TBC1D22A: variants seen among roughly 807,000 people sequenced by gnomAD.
TBC1D22A encodes putative GTPase activator.
TBC1D22A carries 38 observed loss-of-function variants against 60.2 expected under a neutral mutation model. The ratio of observed to expected loss-of-function variants is 0.63; its 90% CI spans 0.49 to 0.83. The LOEUF is 0.83. TBC1D22A is among the 40% of genes least tolerant of loss of function. The probability of loss-of-function intolerance (pLI) is 0.00; values close to 1 mark genes in which losing one functional copy is unlikely to be tolerated. For synonymous variants in TBC1D22A, 302 were observed against 281.7 expected, an observed-to-expected ratio of 1.07 and a Z score of -0.72; for missense variants, 628 against 701.0, an observed-to-expected ratio of 0.90 and a Z score of 1.18.
chr22:47,010,613 G>T (rs2061724138), intron 10 of TBC1D22A, among the ~76,000 whole-genome samples: 1 of 152,142 alleles, frequency 6.6e-6, no homozygotes, highest in South Asian at 2.1e-4. Flanking sequence ...TGTTTATTCT[G>T]TGACCCAGGT....
At chr22:47,154,652 C>A (rs1404503833) in intron 12 of TBC1D22A, among the ~76,000 whole-genome samples, 1 of 152,158 alleles carries the variant, frequency 6.6e-6, no homozygotes, top group East Asian at 1.9e-4. Context: ...CTTTAGCAGG[C>A]AATGTGCCCG....
intron 11 of TBC1D22A, among the ~76,000 whole-genome samples, chr22:47,039,395 C>A (rs976365606): frequency 6.6e-6 from 1 of 152,022 alleles, no homozygotes; most frequent in Admixed American, 6.5e-5. Flanking sequence ...GGAAAGCAAT[C>A]GGGTGATTAC....
At chr22:47,005,820 AC>A (rs559750772) in intron 10 of TBC1D22A, among the ~76,000 whole-genome samples, 13 of 149,216 alleles carry the variant, frequency 8.7e-5, no homozygotes, top group Middle Eastern at 3.6e-3. Context: ...CCATATACAC[AC>A]CCCCCATACA....
At position 47,141,085 on chromosome 22, in the gene TBC1D22A, G is replaced by A. The variant is rs557391005; in HGVS notation, c.1425+29482G>A. On this transcript the variant is annotated intron_variant, in intron 12 of 12. Transcript: ENST00000337137. ...GGGAGGCCTCATAAACATGGAGGAC[G>A]GCGAAGGAGGAGCAAAGTCACATGT... Among the ~76,000 whole-genome samples, 32 of 152,304 alleles carry A rather than the reference G, an allele frequency of 2.1e-4. No individual in the cohort carries two copies. The South Asian group carries it at 5.8e-3, about 28-fold the overall frequency.
intron 11 of TBC1D22A, among the ~76,000 whole-genome samples, chr22:47,046,753 G>A (rs1035565238): frequency 2.0e-5 from 3 of 152,200 alleles, no homozygotes; most frequent in African/African-American, 7.2e-5. Context: ...CTGAAGAGGA[G>A]CCAGAGAGCC....
chr22:47,164,400 G>C (rs375689063), intron 12 of TBC1D22A, among the ~76,000 whole-genome samples: 1 of 152,232 alleles, frequency 6.6e-6, no homozygotes, highest in Non-Finnish European at 1.5e-5. Context: ...ACCTGAGTGT[G>C]AAGGACAGGC....
chr22:46,909,494 G>A (rs561871002), intron 7 of TBC1D22A, among the ~76,000 whole-genome samples: 1 of 152,270 alleles, frequency 6.6e-6, no homozygotes, highest in South Asian at 2.1e-4. Flanking sequence ...TGGCTGCCGC[G>A]GTCCTCTGGA....
In TBC1D22A at chr22:46,905,648, C is replaced by T. The variant is rs139182919; in HGVS notation, c.901-6426C>T. Among the ~76,000 whole-genome samples the T allele has an allele frequency of 1.1e-4, 17 of 152,260 alleles. No individual in the cohort carries two copies. In the East Asian group the frequency reaches 3.3e-3, roughly 29 times the overall value. Reference sequence around the variant, plus strand: ...ACTGAGCTGAGTGGGTCTCTCAAGGCGGACACGCGAGGGCCAGCGGTCCCA... The same window carrying T: ...ACTGAGCTGAGTGGGTCTCTCAAGGTGGACACGCGAGGGCCAGCGGTCCCA... On this transcript the variant is annotated intron_variant, in intron 7 of 12. Transcript: ENST00000337137.
chr22:47,090,721 G>GGT (rs199544914), intron 11 of TBC1D22A, among the ~76,000 whole-genome samples: 7,520 of 143,952 alleles, frequency 0.052, 272 homozygotes, highest in Middle Eastern at 0.16. Context: ...AGTCATCTTT[G>GGT]GGGGAGTGGC....
At chr22:47,030,022 C>T (rs113208107) in intron 10 of TBC1D22A, among the ~76,000 whole-genome samples, 3,613 of 152,310 alleles carry the variant, frequency 0.024, 114 homozygotes, top group African/African-American at 0.073. Context: ...TAGCTGTCAG[C>T]GACATAAACC....
intron 6 of TBC1D22A, among the ~76,000 whole-genome samples, chr22:46,894,036 T>G (rs2068542007): frequency 6.6e-6 from 1 of 152,162 alleles, no homozygotes; most frequent in Non-Finnish European, 1.5e-5. Context: ...TGGGGCGAAA[T>G]GAAATGCAAT....
At chr22:46,828,701 C>T (rs945092465) in intron 4 of TBC1D22A, among the ~76,000 whole-genome samples, 1 of 152,226 alleles carries the variant, frequency 6.6e-6, no homozygotes, top group African/African-American at 2.4e-5. Context: ...GGAGGCCACA[C>T]CTCTCACCAC....
intron 5 of TBC1D22A, among the ~76,000 whole-genome samples, chr22:46,885,619 G>A (rs746265448): frequency 1.9e-4 from 29 of 152,186 alleles, no homozygotes; most frequent in African/African-American, 5.5e-4. Flanking sequence ...GCTCTGAGAC[G>A]GTTATCTGTG....
chr22:47,008,078 T>A (rs193048023), intron 10 of TBC1D22A, among the ~76,000 whole-genome samples: 10 of 152,362 alleles, frequency 6.6e-5, no homozygotes, highest in Admixed American at 6.5e-4. Context: ...AAGAGGGGAC[T>A]CTTCATTTCT....
rs1210055043 is a variant in TBC1D22A, at chr22:46,959,464, C to G, written c.1016-14826C>G. On this transcript the variant is annotated intron_variant, in intron 8 of 12. Coordinates refer to ENST00000337137, the MANE Select transcript of TBC1D22A (RefSeq NM_014346.5). The stretch of plus-strand genomic sequence containing the variant: ...GCAGCATTGCCGCCTCCCTATGAGC[C>G]TTGGCCCTCTGCCTCTGTGCTGTGA... 2.0e-5 allele frequency among the ~76,000 whole-genome samples: 3 copies of G among 152,314 alleles called. No homozygotes were observed. In the East Asian group the frequency reaches 5.8e-4, roughly 29 times the overall value.
intron 8 of TBC1D22A, among the ~76,000 whole-genome samples, chr22:46,969,317 C>A (rs371268543): frequency 6.2e-4 from 95 of 152,332 alleles, no homozygotes; most frequent in African/African-American, 2.2e-3. Context: ...CCCACTCCCC[C>A]CACCTTGCAG....
intron 8 of TBC1D22A, among the ~76,000 whole-genome samples, chr22:46,941,789 A>ATACG (rs1569249588): frequency 2.9e-5 from 4 of 139,036 alleles, no homozygotes; most frequent in African/African-American, 8.0e-5. Context: ...GAATATATAT[A>ATACG]GAATATATAG....
At chr22:47,075,595 G>C (rs1603239238) in intron 11 of TBC1D22A, among the ~76,000 whole-genome samples, 2 of 152,026 alleles carry the variant, frequency 1.3e-5, no homozygotes, top group East Asian at 3.9e-4. Flanking sequence ...AAAAGAGAGA[G>C]GAAGAAAACC....
chr22:46,789,472 G>A (rs1368049490), intron 1 of TBC1D22A: 2 of 366,866 alleles, frequency 5.5e-6, no homozygotes, highest in South Asian at 4.1e-5. Flanking sequence ...TTTTGCTTTT[G>A]TGAGTAAACT....
Sources: gnomAD v4.1 joint callset for allele counts (sites outside exome capture counted in the v4.1 genomes callset) on GRCh38, gnomAD v4.1.1 for gene constraint, MANE v1.5 for transcripts, NCBI Gene and HGNC (gene_info 2026-07-23, HGNC 2026-07-21) for gene names.